NPTXR: variants seen among roughly 807,000 people sequenced by gnomAD.
NPTXR encodes neuronal pentraxin receptor.
Under a neutral mutation model 32.2 loss-of-function variants are expected in NPTXR, and 12 were observed. The ratio of observed to expected loss-of-function variants is 0.37; its 90% CI spans 0.24 to 0.60. The LOEUF is 0.60. Among genes scored for constraint, NPTXR ranks in the 20% least tolerant of loss-of-function variants. NPTXR has a pLI of 0.66. For synonymous variants in NPTXR, 323 were observed against 315.8 expected, an observed-to-expected ratio of 1.02 and a Z score of -0.24; for missense variants, 612 against 682.9, an observed-to-expected ratio of 0.90 and a Z score of 1.16.
chr22:38,826,382 G>T, intron 3 of NPTXR, 118 bp downstream of exon 3: 1 of 1,240,042 alleles, frequency 8.1e-7, no homozygotes. Flanking sequence ...GGTACTTAAT[G>T]TGTGCTGAAT....
At chr22:38,824,261 G>A (rs1449492463) in intron 3 of NPTXR, among the ~76,000 whole-genome samples, 1 of 151,606 alleles carries the variant, frequency 6.6e-6, no homozygotes, top group Non-Finnish European at 1.5e-5. Flanking sequence ...TCAGAGTGCT[G>A]GGATTACAGG....
At chr22:38,836,117 C>CG (rs780753477) in intron 1 of NPTXR, among the ~76,000 whole-genome samples, 15 of 152,124 alleles carry the variant, frequency 9.9e-5, no homozygotes, top group Non-Finnish European at 1.8e-4. Flanking sequence ...CCCACCGAAA[C>CG]GGGAATGTTT....
chr22:38,842,555 T>A (rs1336178450), intron 1 of NPTXR, among the ~76,000 whole-genome samples: 1 of 151,692 alleles, frequency 6.6e-6, no homozygotes, highest in Non-Finnish European at 1.5e-5. Flanking sequence ...GAAAAGTGAG[T>A]GGAGGAGGAG....
intron 2 of NPTXR, 32 bp downstream of exon 2, chr22:38,828,255 C>T: frequency 1.3e-6 from 2 of 1,572,838 alleles, no homozygotes; most frequent in Non-Finnish European, 1.7e-6. Context: ...CTGAGGACCC[C>T]TCCAATGCCC....
chr22:38,821,340 A>G lies in NPTXR; in HGVS notation c.*1269T>C, dbSNP rs1287386003. ...AAAGGGAGCTGGTTTTTTACAATCC[A>G]TGCATGAGGTTAGTCTGCCTTGAAC... On this transcript the variant is annotated 3_prime_UTR_variant, in exon 5 of 5. Transcript: ENST00000333039. 2 of 152,300 alleles carry G rather than the reference A, an allele frequency of 1.3e-5. No homozygotes were observed. Among genetic ancestry groups the G allele is most frequent in the African/African-American group, 2.4e-5 (1 of 41,446 alleles). The allele number at this position is 152,300 out of a possible 1,614,324, so 9.4% of individuals were successfully genotyped here.
At chr22:38,835,731 G>T (rs969069856) in intron 1 of NPTXR, among the ~76,000 whole-genome samples, 1 of 152,180 alleles carries the variant, frequency 6.6e-6, no homozygotes, top group South Asian at 2.1e-4. Flanking sequence ...GCCCACTTCA[G>T]TGAGAAATCC....
At chr22:38,831,163 G>A (rs2093115611) in intron 1 of NPTXR, among the ~76,000 whole-genome samples, 1 of 152,202 alleles carries the variant, frequency 6.6e-6, no homozygotes, top group Non-Finnish European at 1.5e-5. Context: ...TGTAATCCCA[G>A]CACTTTGGGA....
At chr22:38,825,828 TTCTC>T (rs1028369767) in intron 3 of NPTXR, among the ~76,000 whole-genome samples, 58 of 143,308 alleles carry the variant, frequency 4.0e-4, no homozygotes, top group African/African-American at 7.6e-4. Context: ...TGCACCTCCC[TTCTC>T]TCTCTCTCTT....
Position 38,822,612 on chromosome 22 carries a change from T to A in NPTXR, c.1500A>T (p.Ala500=). Residue 500 remains alanine (A), a synonymous_variant, in exon 5 of 5, where the codon GCA becomes GCT. Coordinates refer to ENST00000333039, the MANE Select transcript of NPTXR (RefSeq NM_014293.4). ...GGGCCCTGGATGAGGTGGCCCCTCATGCCTTGGCCCTCCCCTTGCAGACAT... is the reference window on the plus strand; with the variant it reads ...GGGCCCTGGATGAGGTGGCCCCTCAAGCCTTGGCCCTCCCCTTGCAGACAT... 6.2e-7 allele frequency: 1 copy of A among 1,607,774 alleles called. No individual in the cohort carries two copies. The highest frequency in any genetic ancestry group is 8.5e-7 in the Non-Finnish European group (1 of 1,177,832).
intron 1 of NPTXR, among the ~76,000 whole-genome samples, chr22:38,832,700 C>T (rs1212970722): frequency 1.3e-5 from 2 of 152,204 alleles, no homozygotes; most frequent in East Asian, 1.9e-4. Flanking sequence ...GGTCACATAC[C>T]TGTGACGCTG....
chr22:38,826,617 G>A lies in NPTXR; in HGVS notation c.981C>T (p.Ser327=). The stretch of plus-strand genomic sequence containing the variant: ...TGCCCTGGCCGGTGCCGCTGGACCT[G>A]GACCGCAGCCACATGCAGGCGGTGA... The change falls in exon 3 of 5, where the codon TCC becomes TCT. Residue 327 remains serine, a synonymous_variant. Coordinates refer to ENST00000333039, the MANE Select transcript of NPTXR (RefSeq NM_014293.4). 1 of 1,614,256 alleles carries A rather than the reference G, an allele frequency of 6.2e-7. No individual in the cohort carries two copies. The highest frequency in any genetic ancestry group is 1.3e-5 in the African/African-American group (1 of 75,074).
intron 1 of NPTXR, among the ~76,000 whole-genome samples, chr22:38,838,931 A>G (rs1202959653): frequency 6.6e-6 from 1 of 152,058 alleles, no homozygotes; most frequent in African/African-American, 2.4e-5. Context: ...ACCCCTCCAG[A>G]TGGGTCTAGA....
intron 3 of NPTXR, among the ~76,000 whole-genome samples, chr22:38,825,999 C>T (rs534909112): frequency 5.3e-5 from 8 of 152,276 alleles, no homozygotes; most frequent in African/African-American, 1.9e-4. Flanking sequence ...CCCACCACCA[C>T]ACCCGGCTAA....
At position 38,823,234 on chromosome 22, in the gene NPTXR, T is replaced by C. The variant is rs751513427; in HGVS notation, c.1127A>G (p.Asp376Gly). The change falls in exon 4 of 5, where the codon GAC (aspartate) becomes GGC (glycine). Residue 376 changes from aspartate to glycine, a missense_variant. By Grantham distance (94) the Asp-to-Gly change is moderately conservative (BLOSUM62 -1). Transcript: ENST00000333039. ...GATGCAGATGTGGTGCCAGCCATTG[T>C]CCTTCAGGCTCAGGGGCAGCTGGGC... The C allele has an allele frequency of 3.7e-6, 6 of 1,613,142 alleles. No homozygotes were observed. Among genetic ancestry groups the C allele is most frequent in the Non-Finnish European group, 5.1e-6 (6 of 1,180,012 alleles).
intron 2 of NPTXR, among the ~76,000 whole-genome samples, chr22:38,827,958 G>T (rs1009182590): frequency 1.6e-4 from 24 of 152,166 alleles, no homozygotes; most frequent in African/African-American, 5.3e-4. Flanking sequence ...GTCCAGACCC[G>T]CCACTTTTGT....
At chr22:38,837,783 C>T (rs1420287685) in intron 1 of NPTXR, among the ~76,000 whole-genome samples, 2 of 151,946 alleles carry the variant, frequency 1.3e-5, no homozygotes, top group African/African-American at 4.8e-5. Context: ...TCTAAAGTCA[C>T]AAGCAAGAAC....
At chr22:38,824,662 G>A (rs73884559) in intron 3 of NPTXR, among the ~76,000 whole-genome samples, 1,947 of 152,272 alleles carry the variant, frequency 0.013, 36 homozygotes, top group African/African-American at 0.043. Flanking sequence ...ACTCTAGAGC[G>A]TCCCAGAACA....
rs1255367986 is a variant in NPTXR, at chr22:38,820,341, T to C, written c.*2268A>G. On this transcript the variant is annotated 3_prime_UTR_variant, in exon 5 of 5. Coordinates refer to ENST00000333039, the MANE Select transcript of NPTXR (RefSeq NM_014293.4). The stretch of plus-strand genomic sequence containing the variant: ...AGCAGGATCTGGGCGCGGGAGGCAA[T>C]GCAACTTGGAGTAGCTTCCATGGCA... 1 of 152,692 alleles carries C rather than the reference T, an allele frequency of 6.5e-6. No homozygotes were observed. The allele number at this position is 152,692 out of a possible 1,614,324, so 9.5% of individuals were successfully genotyped here. A position where few individuals can be genotyped will look rare whatever the true frequency, so the allele number is the denominator to read the frequency against.
chr22:38,833,379 G>A (rs936601922), intron 1 of NPTXR, among the ~76,000 whole-genome samples: 1 of 152,192 alleles, frequency 6.6e-6, no homozygotes, highest in Non-Finnish European at 1.5e-5. Context: ...GCAGCCTTCA[G>A]GGGGAGCAGT....
Sources: allele counts gnomAD v4.1 joint callset (sites outside exome capture counted in the v4.1 genomes callset), GRCh38; gene constraint gnomAD v4.1.1; transcripts MANE v1.5; gene names NCBI Gene and HGNC (gene_info 2026-07-23, HGNC 2026-07-21).